Variants in LRRC56 observed in about 807,000 individuals in gnomAD.
LRRC56 encodes the protein leucine rich repeat containing 56.
Under a neutral mutation model 47.8 loss-of-function variants are expected in LRRC56, and 41 were observed. That is an observed-to-expected ratio of 0.86 (90% CI 0.67 to 1.11). The LOEUF (loss-of-function observed/expected upper bound fraction) is 1.11, where lower values mean the gene tolerates loss of function less well. Among genes scored for constraint, LRRC56 ranks in the 50% most tolerant of loss-of-function variants. The probability of loss-of-function intolerance (pLI) is 0.00; values close to 1 mark genes in which losing one functional copy is unlikely to be tolerated. For missense variants in LRRC56, 759 were observed against 704.2 expected, an observed-to-expected ratio of 1.08 and a Z score of -0.88; for synonymous variants, 387 against 311.2, an observed-to-expected ratio of 1.24 and a Z score of -2.56.
chr11:520,734 C>T, the LRRC56 span, among the ~76,000 whole-genome samples: 2 of 152,176 alleles, frequency 1.3e-5, no homozygotes, highest in African/African-American at 2.4e-5. Flanking sequence ...TCCCCTCCAT[C>T]CAGGGTCTCC....
chr11:518,289 C>T, the LRRC56 span, among the ~76,000 whole-genome samples: 2 of 151,906 alleles, frequency 1.3e-5, no homozygotes, highest in East Asian at 1.9e-4. Flanking sequence ...TCACGCCATT[C>T]TCCTGCCTCA....
chr11:527,992 C>T, the LRRC56 span, among the ~76,000 whole-genome samples: 2 of 151,476 alleles, frequency 1.3e-5, no homozygotes, highest in Non-Finnish European at 2.9e-5. Flanking sequence ...TGAGCCACCG[C>T]ACCCGGCCAA....
At chr11:537,063 C>T (rs1851541754), upstream of LRRC56, 1 of 152,272 alleles carries the variant, frequency 6.6e-6, no homozygotes, top group Non-Finnish European at 1.5e-5. Context: ...GCGCTTCCCC[C>T]GGTGCTTCCT....
At chr11:512,046 T>C in the LRRC56 span, among the ~76,000 whole-genome samples, 48,013 of 150,634 alleles carry the variant, frequency 0.32, 7,659 homozygotes, top group Admixed American at 0.36. Context: ...TGGCCTCAAG[T>C]GATTCTTCCG....
chr11:542,467 G>A (rs1851841420), intron 5 of LRRC56, among the ~76,000 whole-genome samples: 1 of 150,836 alleles, frequency 6.6e-6, no homozygotes, highest in South Asian at 2.1e-4. Flanking sequence ...AATTAGACAG[G>A]CATGATGGCA....
intron 6 of LRRC56, among the ~76,000 whole-genome samples, chr11:547,292 G>T (rs1220116317): frequency 6.6e-6 from 1 of 150,502 alleles, no homozygotes; most frequent in African/African-American, 2.5e-5. Flanking sequence ...AAGAGTAAAT[G>T]ATATTCTAAT....
chr11:535,954 A>ACCGCGGC (rs1851472075), upstream of LRRC56, among the ~76,000 whole-genome samples: 1 of 151,992 alleles, frequency 6.6e-6, no homozygotes, highest in Non-Finnish European at 1.5e-5. Flanking sequence ...CCCACCGCGG[A>ACCGCGGC]GGTCCCGGGG....
upstream of LRRC56, chr11:534,135 C>T: frequency 7.8e-7 from 1 of 1,284,576 alleles, no homozygotes; most frequent in Non-Finnish European, 1.1e-6. Context: ...CCAGGGGCTG[C>T]AGCCAGCCCT....
upstream of LRRC56, among the ~76,000 whole-genome samples, chr11:532,921 G>A (rs567559698): frequency 6.2e-4 from 94 of 152,278 alleles, no homozygotes; most frequent in Middle Eastern, 3.4e-3. Flanking sequence ...TGGCCATCTC[G>A]AAGTGCCCAG....
intron 8 of LRRC56, 125 bp downstream of exon 8, chr11:550,397 C>A: frequency 1.1e-6 from 1 of 879,316 alleles, no homozygotes; most frequent in South Asian, 1.8e-5. Context: ...GCCTGCTCAC[C>A]ATGAGTTCAC....
Position 551,749 on chromosome 11 carries a change from G to C in LRRC56, c.895G>C (p.Val299Leu). 6.2e-7 allele frequency: 1 copy of C among 1,611,534 alleles called. No homozygotes were observed. The change falls in exon 10 of 14, where the codon GTC (valine) becomes CTC (leucine). Residue 299 changes from valine to leucine, a missense_variant. Physicochemically the swap from Val to Leu is conservative, Grantham distance 32 (BLOSUM62 1). Coordinates refer to ENST00000270115, the MANE Select transcript of LRRC56 (RefSeq NM_198075.4). The stretch of plus-strand genomic sequence containing the variant: ...CAGGCCCTGGCCCTTCTCCCTGCTG[G>C]TCCGTGGGGGCCCCCTGCCTGAAGG... ...ASRPWPFSLL[V>L]RGGPLPEGLL...
chr11:554,008 A>G lies in LRRC56; in HGVS notation c.1361A>G (p.Lys454Arg), dbSNP rs1314612115. The change falls in exon 14 of 14, where the codon AAG (lysine) becomes AGG (arginine). Residue 454 changes from lysine to arginine, a missense_variant. Transcript: ENST00000270115. ...CAGCACCTGGTCCCTTCACCTCCCA[A>G]GCACCCAAGGCCACGAGATTCTGGC... is the stretch of plus-strand genomic sequence containing the variant. ...SSQHLVPSPP[K>R]HPRPRDSGSS... is the part of the protein sequence containing the mutation. 1 of 1,612,094 alleles carries G rather than the reference A, an allele frequency of 6.2e-7. No individual in the cohort carries two copies. The highest frequency in any genetic ancestry group is 1.1e-5 in the South Asian group (1 of 91,064).
At position 551,115 on chromosome 11, in the gene LRRC56, C is replaced by T. The variant is rs1382288221; in HGVS notation, c.625-16C>T. ...ACCCAGACCTGCCCTCCCTCCCCCT[C>T]CCCCTCCCCCTGCAGGTGCCCAGGG... is the stretch of plus-strand genomic sequence containing the variant. On this transcript the variant is annotated splice_polypyrimidine_tract_variant and intron_variant, in intron 8 of 13. Coordinates refer to ENST00000270115, the MANE Select transcript of LRRC56 (RefSeq NM_198075.4). 2.2e-5 allele frequency: 29 copies of T among 1,347,244 alleles called. No homozygotes were observed. Among genetic ancestry groups the T allele is most frequent in the Middle Eastern group, 2.3e-4 (1 of 4,422 alleles). 83.5% of individuals were successfully genotyped at this position (1,347,244 alleles called of 1,614,324 possible).
chr11:551,682 T>C lies in LRRC56; in HGVS notation c.828T>C (p.Leu276=), dbSNP rs747261048. 6.3e-7 allele frequency: 1 copy of C among 1,599,260 alleles called. No homozygotes were observed. Among genetic ancestry groups the C allele is most frequent in the East Asian group, 2.2e-5 (1 of 44,724 alleles). Residue 276 remains leucine, a synonymous_variant, in exon 10 of 14, where the codon CTT becomes CTC. Transcript: ENST00000270115. ...CCCGTGGAGCCCCCATCCGGAGACT[T>C]GACCCCGAGCTGTCCCTGCCTGAGA... is the stretch of plus-strand genomic sequence containing the variant. ...DCPRGAPIRR[L]DPELSLPETQ... is the part of the protein sequence containing the mutation.
At chr11:549,787 C>A in intron 6 of LRRC56, 115 bp from the exon 7 acceptor site, 1 of 823,686 alleles carries the variant, frequency 1.2e-6, no homozygotes, top group South Asian at 1.6e-5. Flanking sequence ...CTTCCTCAGT[C>A]TAGAGGCCAC....
the LRRC56 span, among the ~76,000 whole-genome samples, chr11:519,034 G>A: frequency 1.3e-5 from 2 of 151,170 alleles, no homozygotes; most frequent in Non-Finnish European, 3.0e-5. Flanking sequence ...TCCGAAAGCC[G>A]CGAGGGCAGC....
At chr11:527,095 C>A in the LRRC56 span, among the ~76,000 whole-genome samples, 3 of 151,930 alleles carry the variant, frequency 2.0e-5, no homozygotes, top group Admixed American at 6.6e-5. Flanking sequence ...AGGTCAGGAG[C>A]TCCAGACCAT....
the LRRC56 span, among the ~76,000 whole-genome samples, chr11:525,487 C>T: frequency 6.6e-6 from 1 of 151,250 alleles, no homozygotes; most frequent in African/African-American, 2.4e-5. Flanking sequence ...TGCAGTGAGC[C>T]GAGATCGCGC....
chr11:534,724 C>G (rs965942345), upstream of LRRC56: 18 of 266,650 alleles, frequency 6.8e-5, no homozygotes, highest in Non-Finnish European at 1.3e-4. Context: ...TCCTCCAGAA[C>G]AGGTCTGGCC....
Sources: gnomAD v4.1 joint callset for allele counts (sites outside exome capture counted in the v4.1 genomes callset) on GRCh38, gnomAD v4.1.1 for gene constraint, MANE v1.5 for transcripts, NCBI Gene and HGNC (gene_info 2026-07-23, HGNC 2026-07-21) for gene names.